Variants in GADL1 observed in about 807,000 individuals in gnomAD.
The protein encoded by GADL1 is GAD like acidic amino acid decarboxylase 1, also known as acidic amino acid decarboxylase GADL1.
Under a neutral mutation model 69.5 loss-of-function variants are expected in GADL1, and 71 were observed. That is an observed-to-expected ratio of 1.02 (90% CI 0.84 to 1.25). The LOEUF (loss-of-function observed/expected upper bound fraction) is 1.25. Among genes scored for constraint, GADL1 ranks in the 50% most tolerant of loss-of-function variants. The pLI, the probability that GADL1 is intolerant of heterozygous loss-of-function variation, is 0.00. For missense variants in GADL1, 737 were observed against 631.8 expected, an observed-to-expected ratio of 1.17 and a Z score of -1.79; for synonymous variants, 254 against 214.4, an observed-to-expected ratio of 1.18 and a Z score of -1.62.
At chr3:30,858,089 T>C (rs1698257000) in intron 2 of GADL1, among the ~76,000 whole-genome samples, 1 of 152,036 alleles carries the variant, frequency 6.6e-6, no homozygotes, top group Non-Finnish European at 1.5e-5. Context: ...AAAGCACTTA[T>C]CACCCTCTAA....
rs1197550449 is a variant in GADL1 at position 30,882,853 on chromosome 3, T to A, written c.37+11725A>T. On this transcript the variant is annotated intron_variant, in intron 1 of 14. Transcript: ENST00000282538. The stretch of plus-strand genomic sequence containing the variant: ...ATTTTCAGGTGGTTGGTTTTTTTTT[T>A]ATAGTAGCCATCTTAATGGATGTAA... Among the ~76,000 whole-genome samples, 7 of 151,866 alleles carry A rather than the reference T, an allele frequency of 4.6e-5. No homozygotes were observed. The East Asian group carries it at 9.7e-4, about 21-fold the overall frequency.
chr3:30,776,792 C>A (rs1696550442), intron 14 of GADL1, among the ~76,000 whole-genome samples: 1 of 152,166 alleles, frequency 6.6e-6, no homozygotes, highest in South Asian at 2.1e-4. Flanking sequence ...GCTCCCATGA[C>A]CCTCCCTCTG....
At chr3:30,871,051 G>GTGTGTA (rs1698474911) in intron 1 of GADL1, among the ~76,000 whole-genome samples, 1 of 149,640 alleles carries the variant, frequency 6.7e-6, no homozygotes, top group African/African-American at 2.5e-5. Context: ...AAGTGTGTGT[G>GTGTGTA]TGTGTGTGTG....
intron 14 of GADL1, among the ~76,000 whole-genome samples, chr3:30,772,237 CATT>C (rs1290264215): frequency 3.3e-5 from 5 of 152,176 alleles, no homozygotes; most frequent in African/African-American, 1.2e-4. Flanking sequence ...AAATGACTAA[CATT>C]AGTCACAAAT....
At chr3:30,891,584 A>G (rs1217348134) in intron 1 of GADL1, among the ~76,000 whole-genome samples, 1 of 151,750 alleles carries the variant, frequency 6.6e-6, no homozygotes, top group Admixed American at 6.6e-5. Flanking sequence ...GGGACTCTGG[A>G]GTGAGAGCCC....
chr3:30,809,122 A>G (rs1038732526), intron 11 of GADL1, among the ~76,000 whole-genome samples: 3 of 152,204 alleles, frequency 2.0e-5, no homozygotes, highest in Non-Finnish European at 4.4e-5. Flanking sequence ...ATTTTGCTGT[A>G]TTTATGTTCA....
rs150856441 is a variant in GADL1 at position 30,796,884 on chromosome 3, G to A, written c.1250+4005C>T. 5.2e-4 allele frequency among the ~76,000 whole-genome samples: 79 copies of A among 152,048 alleles called. 1 individual carries two copies. In the East Asian group the frequency reaches 0.015, roughly 29 times the overall value. ...AACTACTTCATACCCATAATCACCA[G>A]AATTACTGACTTCTAAAAGTCTTCT... On this transcript the variant is annotated intron_variant, in intron 12 of 14. Transcript: ENST00000282538.
intron 1 of GADL1, among the ~76,000 whole-genome samples, chr3:30,862,765 G>A (rs1018040219): frequency 6.6e-6 from 1 of 151,924 alleles, no homozygotes; most frequent in African/African-American, 2.4e-5. Flanking sequence ...CTTCCTTCTT[G>A]AACTAGCACA....
chr3:30,749,719 T>G (rs1695770815), intron 14 of GADL1, among the ~76,000 whole-genome samples: 1 of 152,172 alleles, frequency 6.6e-6, no homozygotes, highest in South Asian at 2.1e-4. Flanking sequence ...GAGAAGCACC[T>G]GAAGGCAGGC....
At chr3:30,826,247 G>C (rs1697678707) in intron 11 of GADL1, among the ~76,000 whole-genome samples, 1 of 151,900 alleles carries the variant, frequency 6.6e-6, no homozygotes, top group Non-Finnish European at 1.5e-5. Context: ...TTTTTCAACT[G>C]CTGGTCTTTA....
At chr3:30,841,586 G>C (rs920270448) in intron 8 of GADL1, among the ~76,000 whole-genome samples, 2 of 152,178 alleles carry the variant, frequency 1.3e-5, no homozygotes, top group Non-Finnish European at 2.9e-5. Context: ...TGCCTGTGCA[G>C]TGTTTCCTTA....
At chr3:30,839,360 A>G (rs1356730727) in intron 8 of GADL1, among the ~76,000 whole-genome samples, 1 of 151,866 alleles carries the variant, frequency 6.6e-6, no homozygotes, top group African/African-American at 2.4e-5. Context: ...CTTCAGTATT[A>G]TTCTCATGTT....
chr3:30,771,694 T>TAAAAAATGTTC (rs1464299109), intron 14 of GADL1, among the ~76,000 whole-genome samples: 1 of 152,212 alleles, frequency 6.6e-6, no homozygotes, highest in African/African-American at 2.4e-5. Flanking sequence ...GCTGCACCTT[T>TAAAAAATGTTC]AAAGACACAG....
Position 30,768,754 on chromosome 3 carries a change from G to A in GADL1, c.1392+9425C>T, listed in dbSNP as rs552696930. ...AGAGAAGGAACAATTTGATCTCTGA[G>A]AATTTGACTTAGGTGAGTCTTTCTT... On this transcript the variant is annotated intron_variant, in intron 14 of 14. Coordinates refer to ENST00000282538, the MANE Select transcript of GADL1 (RefSeq NM_207359.3). 1.7e-4 allele frequency among the ~76,000 whole-genome samples: 26 copies of A among 152,274 alleles called. 1 individual carries two copies. The highest frequency in any genetic ancestry group is 5.3e-4 in the African/African-American group (22 of 41,552).
intron 14 of GADL1, among the ~76,000 whole-genome samples, chr3:30,754,761 G>GAT (rs1221361592): frequency 3.9e-5 from 6 of 152,146 alleles, no homozygotes; most frequent in African/African-American, 1.4e-4. Flanking sequence ...GTTTAACAGA[G>GAT]ATAAACTGGC....
At chr3:30,754,540 T>C (rs1271726365) in intron 14 of GADL1, among the ~76,000 whole-genome samples, 2 of 152,124 alleles carry the variant, frequency 1.3e-5, no homozygotes, top group African/African-American at 4.8e-5. Flanking sequence ...ACCGCTAAGC[T>C]GACAGATGAC....
chr3:30,868,855 G>T (rs191983157), intron 1 of GADL1, among the ~76,000 whole-genome samples: 1 of 151,968 alleles, frequency 6.6e-6, no homozygotes, highest in Non-Finnish European at 1.5e-5. Context: ...GAGAAACAAT[G>T]AATCAAAAGT....
At chr3:30,892,488 A>T (rs1349102091) in intron 1 of GADL1, among the ~76,000 whole-genome samples, 1 of 152,244 alleles carries the variant, frequency 6.6e-6, no homozygotes, top group Non-Finnish European at 1.5e-5. Flanking sequence ...GAGCAACCCA[A>T]GAATTGTGGT....
chr3:30,873,867 A>G (rs1698537280), intron 1 of GADL1, among the ~76,000 whole-genome samples: 1 of 151,918 alleles, frequency 6.6e-6, no homozygotes, highest in Non-Finnish European at 1.5e-5. Flanking sequence ...TTGCTTCTCA[A>G]TGCACATGTT....
Sources: gnomAD v4.1 joint callset for allele counts (sites outside exome capture counted in the v4.1 genomes callset) on GRCh38, gnomAD v4.1.1 for gene constraint, MANE v1.5 for transcripts, NCBI Gene and HGNC (gene_info 2026-07-23, HGNC 2026-07-21) for gene names.